LAMA2: variants seen among roughly 807,000 people sequenced by gnomAD.
LAMA2 encodes the protein laminin subunit alpha 2, also known as laminin subunit alpha-2.
In LAMA2, 269 loss-of-function variants were observed where a neutral mutation model predicts 364.8. The ratio of observed to expected loss-of-function variants is 0.74; its 90% CI spans 0.67 to 0.82. The LOEUF is 0.82. Ranked by LOEUF, LAMA2 falls within the 40% of genes least tolerant of loss-of-function variation. The pLI is 0.00. For missense variants in LAMA2, 3,807 were observed against 3,873.2 expected, an observed-to-expected ratio of 0.98 and a Z score of 0.45; for synonymous variants, 1,379 against 1,370.6, an observed-to-expected ratio of 1.01 and a Z score of -0.14.
chr6:129,221,307 T>C (rs1386959679), intron 12 of LAMA2, among the ~76,000 whole-genome samples: 1 of 150,408 alleles, frequency 6.6e-6, no homozygotes, highest in East Asian at 1.9e-4. Flanking sequence ...TTTTTTTTTT[T>C]TTTTCATTTG....
At chr6:129,303,087 A>G (rs1773648389) in intron 22 of LAMA2, among the ~76,000 whole-genome samples, 1 of 152,134 alleles carries the variant, frequency 6.6e-6, no homozygotes, top group African/African-American at 2.4e-5. Flanking sequence ...CAGTGTATGA[A>G]CATGGCATAA....
In LAMA2 at chr6:129,349,374, T is replaced by C. The variant is rs1243577524; in HGVS notation, c.4513T>C (p.Tyr1505His). ...TTGTCCACGGGGATATGAAGGCCAG[T>C]ACTGTGAAAGGTACCAACAGCCATG... ...TACPRGYEGQ[Y>H]CERCAPGYTG... The change falls in exon 31 of 65, where the codon TAC becomes CAC. Residue 1505 changes from tyrosine (Y) to histidine (H), a missense_variant. Physicochemically the swap from Tyr to His is moderately conservative, Grantham distance 83. Transcript: ENST00000421865. The C allele has an allele frequency of 6.2e-7, 1 of 1,612,932 alleles. No individual in the cohort carries two copies. The highest frequency in any genetic ancestry group is 1.3e-5 in the African/African-American group (1 of 74,878).
intron 1 of LAMA2, among the ~76,000 whole-genome samples, chr6:128,979,955 A>T (rs1357352112): frequency 6.6e-6 from 1 of 152,232 alleles, no homozygotes; most frequent in Non-Finnish European, 1.5e-5. Flanking sequence ...AAATGAAAGA[A>T]GATATTTATA....
chr6:129,460,317 A>G lies in LAMA2; in HGVS notation c.6985A>G (p.Thr2329Ala), dbSNP rs779800997. The change falls in exon 49 of 65, where the codon ACT becomes GCT. Residue 2329 changes from threonine (T) to alanine (A), a missense_variant. Physicochemically the swap from Thr to Ala is moderately conservative, Grantham distance 58. This residue lies in a region of LAMA2 where 3,333 missense variants were observed against 3,345.7 expected (regional missense o/e 1.00). Coordinates refer to ENST00000421865, the MANE Select transcript of LAMA2 (RefSeq NM_000426.4). Reference protein sequence around the residue: ...REKEGDCKGCTVSPQVEDSEG... With the variant: ...REKEGDCKGCAVSPQVEDSEG... ...AAAAGAAGGTGACTGCAAAGGATGC[A>G]CTGTCAGGTTAGTTGAGATGAGAAC... 3.1e-6 allele frequency: 5 copies of G among 1,612,064 alleles called. No homozygotes were observed. The highest frequency in any genetic ancestry group is 4.2e-6 in the Non-Finnish European group (5 of 1,178,680).
chr6:129,090,508 T>C (rs1774751689), intron 3 of LAMA2, among the ~76,000 whole-genome samples: 1 of 152,226 alleles, frequency 6.6e-6, no homozygotes, highest in South Asian at 2.1e-4. Flanking sequence ...AGAAGTCACA[T>C]ACTGCATTTG....
chr6:129,280,095 G>A lies in LAMA2; in HGVS notation c.2485G>A (p.Gly829Arg). Residue 829 changes from glycine to arginine, a missense_variant, in exon 18 of 65, where the codon GGA (glycine) becomes AGA (arginine). Transcript: ENST00000421865. ...AACGTGCCATTTAGACCGGAGTCTT[G>A]GATTGATCTGTGATGGATGCCCTGT... ...SPTCHLDRSL[G>R]LICDGCPVGY... 6.2e-7 allele frequency: 1 copy of A among 1,613,518 alleles called. No individual in the cohort carries two copies.
chr6:129,185,177 C>T (rs1023757541), intron 10 of LAMA2, among the ~76,000 whole-genome samples: 1 of 151,826 alleles, frequency 6.6e-6, no homozygotes, highest in African/African-American at 2.4e-5. Context: ...CAGTAGTACT[C>T]CCAGCTGACT....
chr6:129,160,528 CA>C (rs1779386354), intron 8 of LAMA2, among the ~76,000 whole-genome samples: 1 of 151,650 alleles, frequency 6.6e-6, no homozygotes, highest in Non-Finnish European at 1.5e-5. Context: ...TAATCTTTTC[CA>C]AAAAAACTTC....
intron 1 of LAMA2, among the ~76,000 whole-genome samples, chr6:128,987,056 A>G (rs868370011): frequency 6.6e-6 from 1 of 151,548 alleles, no homozygotes; most frequent in Non-Finnish European, 1.5e-5. Context: ...TGCTGCTACA[A>G]ATAATCTTGC....
intron 40 of LAMA2, among the ~76,000 whole-genome samples, chr6:129,409,777 C>T (rs6930242): frequency 0.5 from 75,912 of 151,606 alleles, 19,460 homozygotes; most frequent in African/African-American, 0.62. Context: ...CTAGGTCATA[C>T]GGCCCAATCG....
intron 22 of LAMA2, among the ~76,000 whole-genome samples, chr6:129,305,523 C>T (rs1333724288): frequency 1.3e-5 from 2 of 152,038 alleles, no homozygotes; most frequent in East Asian, 1.9e-4. Context: ...TGAGATCTCA[C>T]TATATTGCCC....
In LAMA2 at chr6:129,101,819, C is replaced by T. The variant is rs192581941; in HGVS notation, c.639+3404C>T. On this transcript the variant is annotated intron_variant, in intron 4 of 64. Transcript: ENST00000421865. ...TGCAAAGTGATGTCTTTCATCAGTT[C>T]AGAAAACTGTTCAGTCATTACCTCT... 3.3e-5 allele frequency among the ~76,000 whole-genome samples: 5 copies of T among 152,284 alleles called. No individual in the cohort carries two copies. The East Asian group carries it at 9.7e-4, about 29-fold the overall frequency.
chr6:129,154,060 A>G (rs758464965), intron 7 of LAMA2, among the ~76,000 whole-genome samples: 2 of 152,204 alleles, frequency 1.3e-5, no homozygotes, highest in African/African-American at 4.8e-5. Context: ...CCTCCAATAC[A>G]TCCAGATACT....
At position 129,291,717 on chromosome 6, in the gene LAMA2, CAAGGT is replaced by C; in HGVS notation, c.2856+2_2856+6del. ...TTCAGGGTCAGAGATGTGACAAATGCAAGGTAAGGAGTAGAGGCTGACCCATAAAT... is the reference window on the plus strand; with the variant it reads ...TTCAGGGTCAGAGATGTGACAAATGCAAGGAGTAGAGGCTGACCCATAAAT... On this transcript the variant is annotated splice_donor_variant and coding_sequence_variant, in exon 20 of 65. Transcript: ENST00000421865. LOFTEE classifies it high-confidence loss of function. 6.2e-7 allele frequency: 1 copy of C among 1,605,502 alleles called. No homozygotes were observed. Among genetic ancestry groups the C allele is most frequent in the Non-Finnish European group, 8.5e-7 (1 of 1,172,254 alleles).
intron 42 of LAMA2, among the ~76,000 whole-genome samples, chr6:129,439,641 T>C (rs1009162312): frequency 2.4e-4 from 37 of 152,032 alleles, no homozygotes; most frequent in African/African-American, 8.7e-4. Context: ...ATGGTATTAG[T>C]TCCTGAAAGC....
chr6:128,997,458 C>T (rs1784051601), intron 1 of LAMA2, among the ~76,000 whole-genome samples: 1 of 152,006 alleles, frequency 6.6e-6, no homozygotes, highest in Admixed American at 6.6e-5. Flanking sequence ...TAGTATTAGT[C>T]AAAGTTGAAA....
chr6:129,018,407 A>T lies in LAMA2; in HGVS notation c.113-31511A>T, dbSNP rs1369904548. Among the ~76,000 whole-genome samples the T allele has an allele frequency of 4.6e-5, 7 of 152,002 alleles. No homozygotes were observed. The South Asian group carries it at 1.4e-3, about 31-fold the overall frequency. On this transcript the variant is annotated intron_variant, in intron 1 of 64. Coordinates refer to ENST00000421865, the MANE Select transcript of LAMA2 (RefSeq NM_000426.4). Reference sequence around the variant, plus strand: ...GGTCTTAAATAAAAAGGAAGAATTAATATGATATATTAAAAGTGATACGAA... The same window carrying T: ...GGTCTTAAATAAAAAGGAAGAATTATTATGATATATTAAAAGTGATACGAA...
intron 1 of LAMA2, among the ~76,000 whole-genome samples, chr6:128,998,468 G>C (rs1269906717): frequency 1.4e-5 from 1 of 72,576 alleles, no homozygotes; most frequent in Non-Finnish European, 2.6e-5. Flanking sequence ...GGTGATTTCT[G>C]CATTTCCATC....
intron 12 of LAMA2, among the ~76,000 whole-genome samples, chr6:129,206,098 GAGGGAGGGAGGAAGGAAGGAAGGA>G (rs1322506087): frequency 2.6e-4 from 26 of 98,482 alleles, no homozygotes; most frequent in African/African-American, 1.4e-3. Flanking sequence ...GGAAGGGAGG[GAGGGAGGGAGGAAGGAAGGAAGGA>G]AGGAAGGAAG....
Sources: allele counts gnomAD v4.1 joint callset (sites outside exome capture counted in the v4.1 genomes callset), GRCh38; gene constraint gnomAD v4.1.1; regional missense constraint gnomAD v4.1.1; transcripts MANE v1.5; gene names NCBI Gene and HGNC (gene_info 2026-07-23, HGNC 2026-07-21).